C1orf21: variants seen among roughly 807,000 people sequenced by gnomAD.
C1orf21 encodes the protein uncharacterized protein C1orf21.
In C1orf21, 3 loss-of-function variants were observed where a neutral mutation model predicts 18.7. The ratio of observed to expected loss-of-function variants is 0.16; its 90% CI spans 0.07 to 0.42. The LOEUF is 0.42. C1orf21 is among the 10% of genes least tolerant of loss of function. The pLI is 0.99. For synonymous variants in C1orf21, 41 were observed against 46.4 expected (o/e 0.88, Z 0.47); for missense variants, 104 against 143.6 (o/e 0.72, Z 1.41).
chr1:184,586,285 C>CTTTTTTTTT, intron 3 of C1orf21, among the ~76,000 whole-genome samples: 1 of 128,496 alleles, frequency 7.8e-6, no homozygotes, highest in Non-Finnish European at 1.6e-5. Flanking sequence ...CTTTTGTCCA[C>CTTTTTTTTT]TTTTTTTTTT....
chr1:184,457,727 G>T (rs2101982309), intron 1 of C1orf21, among the ~76,000 whole-genome samples: 1 of 152,214 alleles, frequency 6.6e-6, no homozygotes, highest in Non-Finnish European at 1.5e-5. Context: ...AGTCTGGTTT[G>T]CTATGGGCTG....
intron 5 of C1orf21, among the ~76,000 whole-genome samples, chr1:184,600,245 T>C (rs1379874473): frequency 6.6e-6 from 1 of 152,014 alleles, no homozygotes; most frequent in African/African-American, 2.4e-5. Context: ...CAGCTCACTC[T>C]GGCCTCTGCC....
chr1:184,489,868 A>T (rs1657792012), intron 2 of C1orf21, among the ~76,000 whole-genome samples: 1 of 152,180 alleles, frequency 6.6e-6, no homozygotes, highest in East Asian at 1.9e-4. Context: ...CTTTATTGTG[A>T]AGTTTCAGGT....
chr1:184,556,066 C>A (rs988892949), intron 3 of C1orf21, among the ~76,000 whole-genome samples: 5 of 151,986 alleles, frequency 3.3e-5, no homozygotes, highest in African/African-American at 1.2e-4. Flanking sequence ...TCCCTCACCA[C>A]CCCCCCAACC....
chr1:184,605,919 G>T (rs184570320), intron 5 of C1orf21, among the ~76,000 whole-genome samples: 2 of 152,150 alleles, frequency 1.3e-5, no homozygotes, highest in East Asian at 3.8e-4. Flanking sequence ...GGGCTTGTTG[G>T]GGGTGGTGCT....
At chr1:184,577,693 T>C (rs1659212814) in intron 3 of C1orf21, among the ~76,000 whole-genome samples, 1 of 152,102 alleles carries the variant, frequency 6.6e-6, no homozygotes, top group Non-Finnish European at 1.5e-5. Flanking sequence ...TTTCTCAGTT[T>C]AGTGGGAAAA....
At chr1:184,597,255 A>G (rs1220479372) in intron 4 of C1orf21, among the ~76,000 whole-genome samples, 3 of 152,224 alleles carry the variant, frequency 2.0e-5, no homozygotes, top group Non-Finnish European at 1.5e-5. Flanking sequence ...CAATTGATTA[A>G]TGGAATCAGA....
At chr1:184,498,061 C>A (rs563719900) in intron 2 of C1orf21, among the ~76,000 whole-genome samples, 7 of 152,276 alleles carry the variant, frequency 4.6e-5, no homozygotes, top group Non-Finnish European at 8.8e-5. Context: ...TTCTATGCCG[C>A]TCATTAGCTT....
At chr1:184,447,028 G>A (rs1233714828) in intron 1 of C1orf21, among the ~76,000 whole-genome samples, 3 of 152,092 alleles carry the variant, frequency 2.0e-5, no homozygotes, top group Non-Finnish European at 4.4e-5. Flanking sequence ...TTAATTATCT[G>A]TTTTGAGACT....
intron 1 of C1orf21, among the ~76,000 whole-genome samples, chr1:184,390,453 T>C (rs1187906329): frequency 6.6e-6 from 1 of 152,226 alleles, no homozygotes; most frequent in Non-Finnish European, 1.5e-5. Flanking sequence ...ATAATTTGTA[T>C]GTGAAAGTTG....
intron 3 of C1orf21, among the ~76,000 whole-genome samples, chr1:184,575,783 CT>C (rs1659178612): frequency 6.6e-6 from 1 of 152,024 alleles, no homozygotes; most frequent in Non-Finnish European, 1.5e-5. Flanking sequence ...AGCAAACCCC[CT>C]GACCCCTGCT....
intron 5 of C1orf21, among the ~76,000 whole-genome samples, chr1:184,607,402 A>G (rs1310008546): frequency 2.0e-5 from 3 of 152,202 alleles, no homozygotes; most frequent in African/African-American, 7.2e-5. Flanking sequence ...GGCATAATAT[A>G]TAAAGAAGTA....
intron 1 of C1orf21, among the ~76,000 whole-genome samples, chr1:184,469,762 A>G (rs1020108911): frequency 2.6e-5 from 4 of 152,230 alleles, no homozygotes; most frequent in African/African-American, 9.6e-5. Context: ...AAATAAAGCT[A>G]GGGCAAGCAC....
intron 5 of C1orf21, among the ~76,000 whole-genome samples, chr1:184,617,433 G>A (rs968003932): frequency 1.3e-5 from 2 of 152,188 alleles, no homozygotes; most frequent in Middle Eastern, 3.2e-3. Flanking sequence ...GCATTGTGTG[G>A]ATACATTTGT....
chr1:184,582,245 C>T (rs890039235), intron 3 of C1orf21, among the ~76,000 whole-genome samples: 1 of 152,230 alleles, frequency 6.6e-6, no homozygotes, highest in Non-Finnish European at 1.5e-5. Flanking sequence ...GAGATTACAT[C>T]CTGTGGGTTA....
At chr1:184,558,061 G>C (rs990952528) in intron 3 of C1orf21, among the ~76,000 whole-genome samples, 1 of 152,130 alleles carries the variant, frequency 6.6e-6, no homozygotes, top group African/African-American at 2.4e-5. Flanking sequence ...CTGCTTTACC[G>C]TTTTGGTTTT....
In C1orf21 at chr1:184,444,728, TGTGA is replaced by T. The variant is rs564104926; in HGVS notation, c.-124-32655_-124-32652del. On this transcript the variant is annotated intron_variant, in intron 1 of 5. Transcript: ENST00000235307. Reference sequence around the variant, plus strand: ...CCTTCTGTCCATCTCACAAGATTGTTGTGAGTAAAATGAAAAAAGTGCTATTTTC... The same window carrying T: ...CCTTCTGTCCATCTCACAAGATTGTTGTAAAATGAAAAAAGTGCTATTTTC... Among the ~76,000 whole-genome samples, 58 of 152,222 alleles carry T rather than the reference TGTGA, an allele frequency of 3.8e-4. No individual in the cohort carries two copies. The South Asian group carries it at 0.012, about 31-fold the overall frequency.
intron 1 of C1orf21, among the ~76,000 whole-genome samples, chr1:184,471,661 C>T (rs1657498437): frequency 6.6e-6 from 1 of 152,150 alleles, no homozygotes; most frequent in Non-Finnish European, 1.5e-5. Flanking sequence ...CCACACCTTA[C>T]TGCCTGAATC....
intron 1 of C1orf21, among the ~76,000 whole-genome samples, chr1:184,444,490 A>G (rs1419614245): frequency 1.3e-5 from 2 of 152,062 alleles, no homozygotes; most frequent in East Asian, 1.9e-4. Flanking sequence ...TTCACCTCCC[A>G]CTATGATTCT....
Sources: allele counts gnomAD v4.1 joint callset (sites outside exome capture counted in the v4.1 genomes callset), GRCh38; gene constraint gnomAD v4.1.1; transcripts MANE v1.5; gene names NCBI Gene and HGNC (gene_info 2026-07-23, HGNC 2026-07-21).